Variants in TMEM132E observed in about 807,000 individuals in gnomAD.
TMEM132E encodes the protein transmembrane protein 132E.
A neutral mutation model predicts 78.5 loss-of-function variants in TMEM132E; 49 were observed. The ratio of observed to expected loss-of-function variants is 0.62; its 90% CI spans 0.50 to 0.79. The LOEUF (loss-of-function observed/expected upper bound fraction) is 0.79. Among genes scored for constraint, TMEM132E ranks in the 30% least tolerant of loss-of-function variants. TMEM132E has a pLI of 0.00. For synonymous variants in TMEM132E, 715 were observed against 670.6 expected (o/e 1.07, Z -1.02); for missense variants, 1,403 against 1,470.9 (o/e 0.95, Z 0.75).
At chr17:34,617,739 G>A (rs1476415491) in intron 1 of TMEM132E, among the ~76,000 whole-genome samples, 2 of 152,034 alleles carry the variant, frequency 1.3e-5, no homozygotes, top group Middle Eastern at 3.2e-3. Context: ...AAAGCCAAAC[G>A]GGCTCTTTCT....
chr17:34,634,724 C>T, intron 6 of TMEM132E, 75 bp from the exon 7 acceptor site: 1 of 1,482,108 alleles, frequency 6.7e-7, no homozygotes, highest in South Asian at 1.4e-5. Context: ...CCCAACAGGG[C>T]AAGGGTGCGG....
intron 1 of TMEM132E, among the ~76,000 whole-genome samples, chr17:34,613,187 ACACACACACC>A (rs1415593796): frequency 1.0e-4 from 11 of 108,870 alleles, no homozygotes; most frequent in African/African-American, 3.0e-4. Context: ...ACACACACAC[ACACACACACC>A]CACACACACA....
intron 1 of TMEM132E, among the ~76,000 whole-genome samples, chr17:34,599,634 T>G (rs1470915157): frequency 6.8e-6 from 1 of 146,798 alleles, no homozygotes; most frequent in Admixed American, 6.7e-5. Context: ...GGCTGCACAT[T>G]GAAGAGTTTT....
In TMEM132E at chr17:34,580,795, T is replaced by A. The variant is rs1905440567; in HGVS notation, c.-282T>A. 2.6e-6 allele frequency: 1 copy of A among 378,588 alleles called. No homozygotes were observed. The highest frequency in any genetic ancestry group is 2.1e-5 in the African/African-American group (1 of 47,252). The allele number at this position is 378,588 out of a possible 1,614,324, so 23.5% of individuals were successfully genotyped here. ...CCGGGCTCCGGACTGCACGTGCAGCTCCCCCCGCGCCTCGCAGATCCTGCA... is the reference window on the plus strand; with the variant it reads ...CCGGGCTCCGGACTGCACGTGCAGCACCCCCCGCGCCTCGCAGATCCTGCA... On this transcript the variant is annotated 5_prime_UTR_variant, in exon 1 of 9. Coordinates refer to ENST00000631683, the MANE Select transcript of TMEM132E (RefSeq NM_001304438.2).
intron 1 of TMEM132E, among the ~76,000 whole-genome samples, chr17:34,586,291 G>GTA (rs1208786866): frequency 1.3e-5 from 2 of 152,008 alleles, no homozygotes; most frequent in East Asian, 3.9e-4. Context: ...TTGTGTGTGT[G>GTA]TGTGTGTGTG....
Position 34,626,237 on chromosome 17 carries a change from G to C in TMEM132E, c.178G>C (p.Glu60Gln). 1 of 1,594,084 alleles carries C rather than the reference G, an allele frequency of 6.3e-7. No homozygotes were observed. Reference sequence around the variant, plus strand: ...CACGCGGCTGGCCTTCTTCCTGCGGGAGGCGCGGCCCCCGTCACCCGCGGT... The same window carrying C: ...CACGCGGCTGGCCTTCTTCCTGCGGCAGGCGCGGCCCCCGTCACCCGCGGT... ...SHTRLAFFLR[E>Q]ARPPSPAVAN... The change falls in exon 2 of 9, where the codon GAG becomes CAG. Residue 60 changes from glutamate (E) to glutamine (Q), a missense_variant. Physicochemically the swap from Glu to Gln is conservative, Grantham distance 29 (BLOSUM62 2). Transcript: ENST00000631683.
chr17:34,633,817 A>G (rs1907429184), intron 6 of TMEM132E, among the ~76,000 whole-genome samples: 1 of 152,222 alleles, frequency 6.6e-6, no homozygotes, highest in Non-Finnish European at 1.5e-5. Context: ...AAAGCCTGTG[A>G]TTCTGCATTT....
intron 1 of TMEM132E, among the ~76,000 whole-genome samples, chr17:34,622,579 G>A (rs113849628): frequency 1.1e-4 from 17 of 152,344 alleles, no homozygotes; most frequent in African/African-American, 3.8e-4. Context: ...AGAGCCCCTA[G>A]GCCTGGTGCC....
intron 8 of TMEM132E, 65 bp from the exon 9 acceptor site, chr17:34,637,112 A>T: frequency 6.9e-7 from 1 of 1,441,358 alleles, no homozygotes; most frequent in Non-Finnish European, 9.4e-7. Context: ...AGAGCCCAGG[A>T]TCTAGCAGGA....
intron 1 of TMEM132E, among the ~76,000 whole-genome samples, chr17:34,592,155 C>T (rs1365257542): frequency 6.6e-6 from 1 of 152,212 alleles, no homozygotes; most frequent in Admixed American, 6.5e-5. Flanking sequence ...CTCTTAGCAA[C>T]ATGCTGCTTG....
Position 34,621,814 on chromosome 17 carries a change from G to A in TMEM132E, c.68-4313G>A, listed in dbSNP as rs111332917. Among the ~76,000 whole-genome samples the A allele has an allele frequency of 6.9e-3, 1,022 of 148,544 alleles. 5 individuals carry two copies. Among genetic ancestry groups the A allele is most frequent in the South Asian group, 0.022 (105 of 4,784 alleles). ...GGAAGTGGGGGGCGGGCAGGTGCCA[G>A]CCTGTGTGTGTGTGTGTGTGTGTGT... On this transcript the variant is annotated intron_variant, in intron 1 of 8. Transcript: ENST00000631683.
rs1413187843 is a variant in TMEM132E at position 34,637,887 on chromosome 17, C to T, written c.2880C>T (p.Thr960=). The change falls in exon 9 of 9, where the codon ACC becomes ACT. Residue 960 remains threonine, a synonymous_variant. Transcript: ENST00000631683. ...LSPPAGNPLE[T]VPAFCHGDHH... ...CGCCAGCAGGCAACCCGCTGGAAAC[C>T]GTGCCCGCCTTCTGCCACGGCGACC... The T allele has an allele frequency of 1.9e-6, 3 of 1,607,762 alleles. No individual in the cohort carries two copies. The highest frequency in any genetic ancestry group is 2.5e-6 in the Non-Finnish European group (3 of 1,178,960).
In TMEM132E at chr17:34,626,145, C is replaced by CGGCCAGCCCCAGCCCGCCGGGGCCGCA; in HGVS notation, c.96_122dup (p.Ser33_Pro41dup). ...TCCCCAGCCTCTGGCCGCTCCCACC[C>CGGCCAGCCCCAGCCCGCCGGGGCCGCA]GGCCAGCCCCAGCCCGCCGGGGCCG... On this transcript the variant is annotated inframe_insertion, in exon 2 of 9. Transcript: ENST00000631683. 1 of 1,530,888 alleles carries CGGCCAGCCCCAGCCCGCCGGGGCCGCA rather than the reference C, an allele frequency of 6.5e-7. No homozygotes were observed. Among genetic ancestry groups the CGGCCAGCCCCAGCCCGCCGGGGCCGCA allele is most frequent in the East Asian group, 2.4e-5 (1 of 42,284 alleles). The allele number at this position is 1,530,888 out of a possible 1,614,324, so 94.8% of individuals were successfully genotyped here.
chr17:34,637,243 C>T lies in TMEM132E; in HGVS notation c.2236C>T (p.Pro746Ser), dbSNP rs1049003965. 2 of 1,613,780 alleles carry T rather than the reference C, an allele frequency of 1.2e-6. No individual in the cohort carries two copies. The highest frequency in any genetic ancestry group is 2.7e-5 in the African/African-American group (2 of 74,946). The change falls in exon 9 of 9, where the codon CCA becomes TCA. Residue 746 changes from proline (P) to serine (S), a missense_variant. Coordinates refer to ENST00000631683, the MANE Select transcript of TMEM132E (RefSeq NM_001304438.2). ...CACAGCCCCACTCTCCCTCTACAGCCCACGAGACTATGGACTGCTAGTGAG... is the reference window on the plus strand; with the variant it reads ...CACAGCCCCACTCTCCCTCTACAGCTCACGAGACTATGGACTGCTAGTGAG... ...GTTAPLSLYS[P>S]RDYGLLVSSL... is the part of the protein sequence containing the mutation.
chr17:34,590,272 C>T (rs1905825730), intron 1 of TMEM132E, among the ~76,000 whole-genome samples: 1 of 152,260 alleles, frequency 6.6e-6, no homozygotes, highest in African/African-American at 2.4e-5. Flanking sequence ...CCGGAGCTGG[C>T]TATGGACTCT....
Position 34,626,608 on chromosome 17 carries a change from C to T in TMEM132E, c.549C>T (p.Ser183=). The T allele has an allele frequency of 6.6e-7, 1 of 1,516,756 alleles. No individual in the cohort carries two copies. The highest frequency in any genetic ancestry group is 8.8e-7 in the Non-Finnish European group (1 of 1,137,174). 94.0% of individuals were successfully genotyped at this position (1,516,756 alleles called of 1,614,324 possible). A position where few individuals can be genotyped will look rare whatever the true frequency, so the allele number is the denominator to read the frequency against. The stretch of plus-strand genomic sequence containing the variant: ...AAGTCAAGAGCTCCTGCCGCCTCAG[C>T]GGGGGCCTGGCCACTTGTCTGGTGC... ...AREVKSSCRL[S]GGLATCLVRA... Residue 183 remains serine, a synonymous_variant, in exon 2 of 9, where the codon AGC becomes AGT. Transcript: ENST00000631683.
intron 1 of TMEM132E, among the ~76,000 whole-genome samples, chr17:34,582,780 A>G (rs998108262): frequency 6.6e-5 from 10 of 152,080 alleles, no homozygotes; most frequent in Non-Finnish European, 1.5e-4. Flanking sequence ...TTCCCTGCCC[A>G]GTAGGAGGAA....
chr17:34,617,804 T>G (rs1906831372), intron 1 of TMEM132E, among the ~76,000 whole-genome samples: 1 of 152,252 alleles, frequency 6.6e-6, no homozygotes, highest in Non-Finnish European at 1.5e-5. Flanking sequence ...CTTCAAACAC[T>G]TTCATTTATT....
intron 1 of TMEM132E, among the ~76,000 whole-genome samples, chr17:34,602,437 C>A (rs1906273578): frequency 6.6e-6 from 1 of 152,254 alleles, no homozygotes. Flanking sequence ...CTGCAGTAGG[C>A]CCCTGCAGCT....
Sources: allele counts gnomAD v4.1 joint callset (sites outside exome capture counted in the v4.1 genomes callset), GRCh38; gene constraint gnomAD v4.1.1; transcripts MANE v1.5; gene names NCBI Gene and HGNC (gene_info 2026-07-23, HGNC 2026-07-21).